BORCS5: variants seen among roughly 807,000 people sequenced by gnomAD.
The protein encoded by BORCS5 is BLOC-1 related complex subunit 5.
A neutral mutation model predicts 22.1 loss-of-function variants in BORCS5; 17 were observed. The ratio of observed to expected loss-of-function variants is 0.77; its 90% CI spans 0.53 to 1.15. The LOEUF is 1.15. BORCS5 is among the 50% of genes most tolerant of loss of function. BORCS5 has a pLI of 0.00. For missense variants in BORCS5, 247 were observed against 253.2 expected, an observed-to-expected ratio of 0.98 and a Z score of 0.17; for synonymous variants, 117 against 99.8, an observed-to-expected ratio of 1.17 and a Z score of -1.03.
chr12:12,418,094 G>C (rs150162147), intron 2 of BORCS5, among the ~76,000 whole-genome samples: 5 of 151,350 alleles, frequency 3.3e-5, no homozygotes, highest in African/African-American at 1.2e-4. Flanking sequence ...CGCAATCTCA[G>C]CTCACTGCAA....
At chr12:12,412,776 T>C (rs1246878885) in intron 2 of BORCS5, among the ~76,000 whole-genome samples, 1 of 152,142 alleles carries the variant, frequency 6.6e-6, no homozygotes, top group East Asian at 1.9e-4. Context: ...GCTTTTATTA[T>C]GTTGAGGTAG....
chr12:12,414,458 C>T lies in BORCS5; in HGVS notation c.203-21170C>T, dbSNP rs1433076714. Among the ~76,000 whole-genome samples, 79 of 89,232 alleles carry T rather than the reference C, an allele frequency of 8.9e-4. 4 individuals are homozygous for T. The South Asian group carries it at 0.02, about 23-fold the overall frequency. 58.5% of individuals were successfully genotyped at this position (89,232 alleles called of 152,430 possible). ...CTGACCCCCCCACCTCCCTCCCGGA[C>T]GGGGCGGCTGGCTGGGCAGAGGGGC... On this transcript the variant is annotated intron_variant, in intron 2 of 3. Coordinates refer to ENST00000314565, the MANE Select transcript of BORCS5 (RefSeq NM_058169.6).
chr12:12,401,265 C>T (rs182496430), intron 2 of BORCS5, among the ~76,000 whole-genome samples: 1 of 152,132 alleles, frequency 6.6e-6, no homozygotes, highest in Non-Finnish European at 1.5e-5. Context: ...TCTTTTATCG[C>T]CTTACTAGCT....
intron 2 of BORCS5, among the ~76,000 whole-genome samples, chr12:12,385,722 C>T (rs1185884521): frequency 6.6e-6 from 1 of 150,952 alleles, no homozygotes; most frequent in African/African-American, 2.4e-5. Context: ...ATTGGCTAGG[C>T]TGTTCTCAAA....
chr12:12,449,623 CTTAA>C (rs556622420), intron 3 of BORCS5, among the ~76,000 whole-genome samples: 159 of 152,308 alleles, frequency 1.0e-3, no homozygotes, highest in African/African-American at 3.8e-3. Flanking sequence ...TCTGATATCG[CTTAA>C]TTCTTTTGAA....
Position 12,456,185 on chromosome 12 carries a change from A to G in BORCS5, c.361-9361A>G, listed in dbSNP as rs555876828. ...GTGGTAGATCATGCCTGTAATCCCAACACTTTGGGAGGCTGAGCGGGTGGA... is the reference window on the plus strand; with the variant it reads ...GTGGTAGATCATGCCTGTAATCCCAGCACTTTGGGAGGCTGAGCGGGTGGA... On this transcript the variant is annotated intron_variant, in intron 3 of 3. Transcript: ENST00000314565. 1.1e-4 allele frequency among the ~76,000 whole-genome samples: 16 copies of G among 152,306 alleles called. No homozygotes were observed. The South Asian group carries it at 3.1e-3, about 30-fold the overall frequency.
chr12:12,410,498 G>T (rs1285633764), intron 2 of BORCS5, among the ~76,000 whole-genome samples: 4 of 151,806 alleles, frequency 2.6e-5, no homozygotes, highest in African/African-American at 9.7e-5. Flanking sequence ...TTTCCCCATT[G>T]CTTGTTTTTC....
chr12:12,459,987 G>C (rs1412829554), intron 3 of BORCS5, among the ~76,000 whole-genome samples: 1 of 152,122 alleles, frequency 6.6e-6, no homozygotes, highest in Non-Finnish European at 1.5e-5. Context: ...TTCAAACTTT[G>C]TTCTTTCAAT....
At position 12,465,795 on chromosome 12, in the gene BORCS5, G is replaced by C; in HGVS notation, c.*19G>C. Reference sequence around the variant, plus strand: ...GCTGTAGCTGCTGCCCGGCCTGCCTGGGGCTGGGAGCCCCAGACACCGACA... The same window carrying C: ...GCTGTAGCTGCTGCCCGGCCTGCCTCGGGCTGGGAGCCCCAGACACCGACA... On this transcript the variant is annotated 3_prime_UTR_variant, in exon 4 of 4. Coordinates refer to ENST00000314565, the MANE Select transcript of BORCS5 (RefSeq NM_058169.6). 1 of 1,599,262 alleles carries C rather than the reference G, an allele frequency of 6.3e-7. No individual in the cohort carries two copies. The highest frequency in any genetic ancestry group is 1.1e-5 in the South Asian group (1 of 90,424).
chr12:12,357,867 G>A (rs1288187711), intron 1 of BORCS5, among the ~76,000 whole-genome samples: 1 of 152,214 alleles, frequency 6.6e-6, no homozygotes, highest in African/African-American at 2.4e-5. Flanking sequence ...GGACCTCTAA[G>A]AACAGTCTGT....
At chr12:12,375,928 C>G (rs1863639925) in intron 2 of BORCS5, among the ~76,000 whole-genome samples, 1 of 151,888 alleles carries the variant, frequency 6.6e-6, no homozygotes, top group Non-Finnish European at 1.5e-5. Flanking sequence ...CCTCAGCCTC[C>G]CGAGTAGCTG....
intron 3 of BORCS5, among the ~76,000 whole-genome samples, chr12:12,446,139 A>C (rs1056929591): frequency 1.8e-4 from 27 of 152,150 alleles, no homozygotes; most frequent in Admixed American, 1.6e-3. Context: ...TGTCGAGGAA[A>C]TATCACTACA....
rs990406746 is a variant in BORCS5 at position 12,363,897 on chromosome 12, G to GA, written c.202+2560dup. On this transcript the variant is annotated intron_variant, in intron 2 of 3. Transcript: ENST00000314565. ...GCAACAACAGTGAAACTCCATCTCA[G>GA]AAAAAAAAAAAATATCTGCATATAA... Among the ~76,000 whole-genome samples, 528 of 139,290 alleles carry GA rather than the reference G, an allele frequency of 3.8e-3. 2 individuals are homozygous for GA. Among genetic ancestry groups the GA allele is most frequent in the Non-Finnish European group, 4.8e-3 (301 of 63,208 alleles). The allele number at this position is 139,290 out of a possible 152,430, so 91.4% of individuals were successfully genotyped here. A position where few individuals can be genotyped will look rare whatever the true frequency, so the allele number is the denominator to read the frequency against.
At chr12:12,394,948 A>G (rs1346474477) in intron 2 of BORCS5, among the ~76,000 whole-genome samples, 1 of 152,080 alleles carries the variant, frequency 6.6e-6, no homozygotes, top group Non-Finnish European at 1.5e-5. Flanking sequence ...TCTTCCAAAA[A>G]GATTTAAACT....
chr12:12,366,182 T>G (rs191954389), intron 2 of BORCS5, among the ~76,000 whole-genome samples: 3 of 152,346 alleles, frequency 2.0e-5, no homozygotes, highest in African/African-American at 7.2e-5. Flanking sequence ...CCCCCCAGGT[T>G]TGATTTCAGA....
chr12:12,369,302 C>T (rs535428369), intron 2 of BORCS5, among the ~76,000 whole-genome samples: 8 of 151,968 alleles, frequency 5.3e-5, no homozygotes, highest in Non-Finnish European at 1.0e-4. Flanking sequence ...TTATTTTTAT[C>T]GATTTATGTC....
intron 3 of BORCS5, among the ~76,000 whole-genome samples, chr12:12,448,280 A>G (rs536095801): frequency 2.0e-5 from 3 of 152,080 alleles, no homozygotes; most frequent in East Asian, 1.9e-4. Context: ...CAGTGGTGCA[A>G]TCTCGGCTCA....
chr12:12,462,382 A>G (rs985127270), intron 3 of BORCS5, among the ~76,000 whole-genome samples: 1 of 152,244 alleles, frequency 6.6e-6, no homozygotes, highest in African/African-American at 2.4e-5. Flanking sequence ...CTGGAGATAT[A>G]GCAGGGTTTA....
chr12:12,422,991 T>A (rs1942178257), intron 2 of BORCS5, among the ~76,000 whole-genome samples: 2 of 151,708 alleles, frequency 1.3e-5, no homozygotes, highest in South Asian at 2.1e-4. Flanking sequence ...CTTTTTTTTT[T>A]TTATTTTTTA....
Sources: gnomAD v4.1 joint callset for allele counts (sites outside exome capture counted in the v4.1 genomes callset) on GRCh38, gnomAD v4.1.1 for gene constraint, MANE v1.5 for transcripts, NCBI Gene and HGNC (gene_info 2026-07-23, HGNC 2026-07-21) for gene names.